The following GLDN variants were observed in gnomAD, a reference collection of about 807,000 sequenced individuals.
GLDN encodes gliomedin.
Under a neutral mutation model 56.5 loss-of-function variants are expected in GLDN, and 47 were observed. The observed-to-expected ratio is 0.83, with a 90% confidence interval of 0.66 to 1.06. GLDN has a LOEUF of 1.06. Ranked by LOEUF, GLDN falls within the 50% of genes least tolerant of loss-of-function variation. The probability of loss-of-function intolerance (pLI) is 0.00; values close to 1 mark genes in which losing one functional copy is unlikely to be tolerated. For synonymous variants in GLDN, 332 were observed against 278.8 expected, an observed-to-expected ratio of 1.19 and a Z score of -1.90; for missense variants, 782 against 714.3, an observed-to-expected ratio of 1.09 and a Z score of -1.08.
chr15:51,354,628 G>A (rs2037139778), intron 1 of GLDN, among the ~76,000 whole-genome samples: 1 of 152,326 alleles, frequency 6.6e-6, no homozygotes, highest in East Asian at 1.9e-4. Context: ...AAATGAAAAT[G>A]GTGCAAGTCA....
intron 1 of GLDN, among the ~76,000 whole-genome samples, chr15:51,353,221 G>A (rs1190218510): frequency 6.6e-6 from 1 of 151,872 alleles, no homozygotes; most frequent in African/African-American, 2.4e-5. Flanking sequence ...CAACCAATCA[G>A]CATTTCCCAT....
chr15:51,345,848 A>C (rs549987577), intron 1 of GLDN, among the ~76,000 whole-genome samples: 27 of 152,360 alleles, frequency 1.8e-4, no homozygotes, highest in Non-Finnish European at 2.8e-4. Flanking sequence ...AAATCTGTTG[A>C]TAACCTACTA....
At chr15:51,391,632 C>A (rs1282547902) in intron 4 of GLDN, among the ~76,000 whole-genome samples, 2 of 152,214 alleles carry the variant, frequency 1.3e-5, no homozygotes, top group South Asian at 2.1e-4. Flanking sequence ...AGTGAGTGAA[C>A]CACTTTCCAC....
chr15:51,352,085 G>A (rs963552878), intron 1 of GLDN, among the ~76,000 whole-genome samples: 2 of 152,030 alleles, frequency 1.3e-5, no homozygotes, highest in African/African-American at 4.8e-5. Flanking sequence ...GCTTATAAAT[G>A]ACTGAAATTT....
intron 4 of GLDN, among the ~76,000 whole-genome samples, chr15:51,386,151 C>G (rs1044610728): frequency 6.6e-6 from 1 of 152,132 alleles, no homozygotes; most frequent in African/African-American, 2.4e-5. Context: ...TTCTCTACAG[C>G]AATCTCCCAG....
intron 1 of GLDN, among the ~76,000 whole-genome samples, chr15:51,343,491 A>T (rs1015631150): frequency 1.3e-5 from 2 of 152,252 alleles, no homozygotes; most frequent in Non-Finnish European, 2.9e-5. Flanking sequence ...CTTTTAAGGT[A>T]GAAGCTTTCG....
At chr15:51,383,559 C>A in intron 3 of GLDN, 106 bp downstream of exon 3, 3 of 1,357,040 alleles carry the variant, frequency 2.2e-6, no homozygotes, top group South Asian at 1.2e-5. Context: ...TGGAGGCAGT[C>A]CTGGCTGTGT....
intron 1 of GLDN, among the ~76,000 whole-genome samples, chr15:51,359,211 C>T (rs2037244617): frequency 6.6e-6 from 1 of 152,250 alleles, no homozygotes; most frequent in South Asian, 2.1e-4. Flanking sequence ...TCCCTTTTTC[C>T]CTCTCAGACT....
intron 1 of GLDN, among the ~76,000 whole-genome samples, chr15:51,346,483 G>C (rs1298978043): frequency 6.6e-6 from 1 of 152,168 alleles, no homozygotes; most frequent in Non-Finnish European, 1.5e-5. Flanking sequence ...TCTGGGAAAA[G>C]ATAAAGCCTG....
chr15:51,381,850 A>C (rs557851209), intron 2 of GLDN, among the ~76,000 whole-genome samples: 1 of 150,268 alleles, frequency 6.7e-6, no homozygotes, highest in East Asian at 2.0e-4. Context: ...TGTTGCACCT[A>C]GTTCTATCCA....
At position 51,405,580 on chromosome 15, in the gene GLDN, G is replaced by C. The variant is rs1459645449; in HGVS notation, c.*826G>C. 2.0e-5 allele frequency: 3 copies of C among 151,968 alleles called. No individual in the cohort carries two copies. The highest frequency in any genetic ancestry group is 4.4e-5 in the Non-Finnish European group (3 of 68,014). 9.4% of individuals were successfully genotyped at this position (151,968 alleles called of 1,614,324 possible). A position where few individuals can be genotyped will look rare whatever the true frequency, so the allele number is the denominator to read the frequency against. ...AATAAAACAGAATCATGATCTTCCA[G>C]GTTCCCCCCAGTTTCTGATCATGTT... On this transcript the variant is annotated 3_prime_UTR_variant, in exon 10 of 10. Coordinates refer to ENST00000335449, the MANE Select transcript of GLDN (RefSeq NM_181789.4).
At position 51,389,125 on chromosome 15, in the gene GLDN, A is replaced by G. The variant is rs1282017334; in HGVS notation, c.541+5233A>G. Reference sequence around the variant, plus strand: ...GAGGCCCTGGGCAAGTCACTCCAAGATGAGGCCTTGACCTCCTCATCTGTA... The same window carrying G: ...GAGGCCCTGGGCAAGTCACTCCAAGGTGAGGCCTTGACCTCCTCATCTGTA... On this transcript the variant is annotated intron_variant, in intron 4 of 9. Coordinates refer to ENST00000335449, the MANE Select transcript of GLDN (RefSeq NM_181789.4). Among the ~76,000 whole-genome samples, 4 of 152,292 alleles carry G rather than the reference A, an allele frequency of 2.6e-5. No homozygotes were observed. The East Asian group carries it at 5.8e-4, about 22-fold the overall frequency.
chr15:51,399,066 CCTCT>C (rs1018179731), intron 6 of GLDN, among the ~76,000 whole-genome samples: 1 of 152,112 alleles, frequency 6.6e-6, no homozygotes, highest in African/African-American at 2.4e-5. Flanking sequence ...TGAACTTGGC[CCTCT>C]CTCCTGCTCC....
chr15:51,365,567 A>T (rs1231430720), intron 1 of GLDN, among the ~76,000 whole-genome samples: 1 of 152,160 alleles, frequency 6.6e-6, no homozygotes, highest in East Asian at 1.9e-4. Context: ...CAGACAGGTC[A>T]TCGAGGTTTG....
intron 4 of GLDN, chr15:51,384,466 G>A (rs369940526): frequency 9.9e-5 from 16 of 161,200 alleles, no homozygotes; most frequent in Admixed American, 4.5e-4. Context: ...CTGGCATCTC[G>A]GAGGAGCTTC....
intron 1 of GLDN, among the ~76,000 whole-genome samples, chr15:51,372,654 C>T (rs1434416705): frequency 6.6e-6 from 1 of 152,166 alleles, no homozygotes; most frequent in Non-Finnish European, 1.5e-5. Flanking sequence ...ATATCATGAA[C>T]TGATTAGCAA....
chr15:51,354,422 C>T (rs567739595), intron 1 of GLDN, among the ~76,000 whole-genome samples: 1 of 152,126 alleles, frequency 6.6e-6, no homozygotes, highest in African/African-American at 2.4e-5. Context: ...AGTCTCTAAA[C>T]AGGAAGACCT....
rs8033469 is a variant in GLDN at position 51,380,600 on chromosome 15, G to T, written c.416-2836G>T. ...GCCTCAGCACATTTTATGTCTGCCC[G>T]GACTGCTGAGCTCTCTGGGGCTGTC... On this transcript the variant is annotated intron_variant, in intron 2 of 9. Transcript: ENST00000335449. Among the ~76,000 whole-genome samples, 755 of 152,224 alleles carry T rather than the reference G, an allele frequency of 5.0e-3. 7 individuals are homozygous for T. The highest frequency in any genetic ancestry group is 0.017 in the African/African-American group (710 of 41,532).
At chr15:51,371,848 A>G (rs2037523043) in intron 1 of GLDN, among the ~76,000 whole-genome samples, 1 of 152,108 alleles carries the variant, frequency 6.6e-6, no homozygotes, top group Non-Finnish European at 1.5e-5. Context: ...ATACCCAGCT[A>G]ATTTTTTTCT....
Sources: gnomAD v4.1 joint callset for allele counts (sites outside exome capture counted in the v4.1 genomes callset) on GRCh38, gnomAD v4.1.1 for gene constraint, MANE v1.5 for transcripts, NCBI Gene and HGNC (gene_info 2026-07-23, HGNC 2026-07-21) for gene names.